Variants in ADAMTSL1 observed in about 807,000 individuals in gnomAD.
The protein encoded by ADAMTSL1 is ADAMTS-like protein 1.
ADAMTSL1 carries 126 observed loss-of-function variants against 201.8 expected under a neutral mutation model. That is an observed-to-expected ratio of 0.62 (90% CI 0.54 to 0.72). The LOEUF is 0.72. ADAMTSL1 is among the 30% of genes least tolerant of loss of function. The probability of loss-of-function intolerance (pLI) is 0.00; values close to 1 mark genes in which losing one functional copy is unlikely to be tolerated. For missense variants in ADAMTSL1, 2,679 were observed against 2,277.8 expected (o/e 1.18, Z -3.59); for synonymous variants, 1,121 against 903.4 (o/e 1.24, Z -4.32).
chr9:18,071,022 A>G (rs1822939760), intron 1 of ADAMTSL1, among the ~76,000 whole-genome samples: 3 of 152,222 alleles, frequency 2.0e-5, no homozygotes, highest in Admixed American at 1.3e-4. Flanking sequence ...AAGCAAAGCA[A>G]GAAAAAACAG....
At position 18,795,389 on chromosome 9, in the gene ADAMTSL1, C is replaced by T. The variant is rs143893032; in HGVS notation, c.3678-8C>T. 8.5e-3 allele frequency: 13,636 copies of T among 1,613,376 alleles called. 80 individuals are homozygous for T. Among genetic ancestry groups the T allele is most frequent in the Non-Finnish European group, 0.01 (12,334 of 1,179,650 alleles). On this transcript the variant is annotated splice_polypyrimidine_tract_variant and splice_region_variant and intron_variant, in intron 19 of 28. Coordinates refer to ENST00000380548, the MANE Select transcript of ADAMTSL1 (RefSeq NM_001040272.6). The stretch of plus-strand genomic sequence containing the variant: ...GACCAGGTCTATATTTCTTTTCTGT[C>T]GCTCCAGGATTCTTCTACAGCCAGA...
chr9:18,331,584 TC>T (rs1345736638), intron 2 of ADAMTSL1, among the ~76,000 whole-genome samples: 3 of 152,170 alleles, frequency 2.0e-5, no homozygotes, highest in African/African-American at 7.2e-5. Context: ...ATTATTGAAG[TC>T]CCTGTACTAA....
intron 1 of ADAMTSL1, among the ~76,000 whole-genome samples, chr9:18,140,637 A>C (rs1826359685): frequency 6.6e-6 from 1 of 152,200 alleles, no homozygotes; most frequent in African/African-American, 2.4e-5. Flanking sequence ...CATATAAATC[A>C]CATTGTTTGT....
chr9:18,530,018 T>C (rs1819339870), intron 2 of ADAMTSL1, among the ~76,000 whole-genome samples: 2 of 152,182 alleles, frequency 1.3e-5, no homozygotes, highest in South Asian at 4.1e-4. Context: ...GTAAAATTTG[T>C]GTAGGTATTT....
At chr9:18,743,778 T>C (rs1818978466) in intron 15 of ADAMTSL1, among the ~76,000 whole-genome samples, 1 of 152,264 alleles carries the variant, frequency 6.6e-6, no homozygotes, top group South Asian at 2.1e-4. Flanking sequence ...TTTTGCTCTT[T>C]AATGTCTAAT....
chr9:18,715,497 G>A (rs1221170509), intron 14 of ADAMTSL1, among the ~76,000 whole-genome samples: 2 of 152,110 alleles, frequency 1.3e-5, no homozygotes, highest in African/African-American at 2.4e-5. Context: ...TTGCTTCAAA[G>A]AGGATAAAAT....
At chr9:18,169,009 T>G (rs2132115458) in intron 2 of ADAMTSL1, among the ~76,000 whole-genome samples, 1 of 147,998 alleles carries the variant, frequency 6.8e-6, no homozygotes, top group East Asian at 2.0e-4. Flanking sequence ...GAGTTCATTG[T>G]AGATTCTGGA....
At chr9:18,126,996 A>G (rs1825758438) in intron 1 of ADAMTSL1, among the ~76,000 whole-genome samples, 1 of 152,194 alleles carries the variant, frequency 6.6e-6, no homozygotes, top group East Asian at 1.9e-4. Flanking sequence ...GTGATGAGGC[A>G]GATCTTCCAA....
chr9:18,495,219 G>A (rs1029137710), intron 1 of ADAMTSL1, among the ~76,000 whole-genome samples: 6 of 152,100 alleles, frequency 3.9e-5, no homozygotes, highest in Non-Finnish European at 2.9e-5. Context: ...GCTGACTCAC[G>A]CAGGACTCAG....
intron 1 of ADAMTSL1, among the ~76,000 whole-genome samples, chr9:17,957,462 A>G (rs144736501): frequency 3.3e-5 from 5 of 152,122 alleles, no homozygotes; most frequent in African/African-American, 1.2e-4. Flanking sequence ...TGGGCTTCTG[A>G]TACCTCCACC....
chr9:18,889,849 A>T, intron 25 of ADAMTSL1, 101 bp downstream of exon 25: 3 of 1,189,946 alleles, frequency 2.5e-6, no homozygotes, highest in Non-Finnish European at 1.1e-6. Flanking sequence ...GTGCAGGGAG[A>T]GATGCCAGCC....
intron 2 of ADAMTSL1, among the ~76,000 whole-genome samples, chr9:18,528,721 T>C (rs1446255489): frequency 6.6e-6 from 1 of 152,204 alleles, no homozygotes; most frequent in Non-Finnish European, 1.5e-5. Context: ...TTATATTTTG[T>C]TCTTTCATAC....
chr9:18,604,455 A>G (rs1048392674), intron 4 of ADAMTSL1, among the ~76,000 whole-genome samples: 13 of 151,898 alleles, frequency 8.6e-5, no homozygotes, highest in African/African-American at 3.1e-4. Flanking sequence ...ATCACCATCT[A>G]TTTTCTTTCT....
intron 1 of ADAMTSL1, among the ~76,000 whole-genome samples, chr9:17,991,851 C>T (rs1819164781): frequency 6.6e-6 from 1 of 152,140 alleles, no homozygotes. Flanking sequence ...GAGGATTTCT[C>T]ATTTTCCCTC....
chr9:17,977,931 T>A (rs973039537), intron 1 of ADAMTSL1, among the ~76,000 whole-genome samples: 1 of 152,072 alleles, frequency 6.6e-6, no homozygotes, highest in Non-Finnish European at 1.5e-5. Flanking sequence ...ACCATTATTG[T>A]ATTGCTATTT....
intron 2 of ADAMTSL1, among the ~76,000 whole-genome samples, chr9:18,246,402 T>A (rs1025092155): frequency 4.6e-5 from 7 of 152,148 alleles, no homozygotes; most frequent in Non-Finnish European, 8.8e-5. Context: ...AGATGATTTT[T>A]AAAATATGTT....
At chr9:18,618,192 A>T (rs552880373) in intron 4 of ADAMTSL1, among the ~76,000 whole-genome samples, 295 of 152,320 alleles carry the variant, frequency 1.9e-3, no homozygotes, top group Non-Finnish European at 3.5e-3. Flanking sequence ...GCTGTCATTT[A>T]TGGTATGTCT....
intron 1 of ADAMTSL1, among the ~76,000 whole-genome samples, chr9:18,133,231 C>G (rs1046727143): frequency 3.9e-5 from 6 of 152,104 alleles, no homozygotes; most frequent in Non-Finnish European, 7.4e-5. Flanking sequence ...GGATCAGACT[C>G]TCCTGAGGGC....
chr9:18,580,534 G>A (rs977780101), intron 4 of ADAMTSL1, among the ~76,000 whole-genome samples: 6 of 152,002 alleles, frequency 3.9e-5, no homozygotes, highest in African/African-American at 1.4e-4. Flanking sequence ...TTCTTATTCT[G>A]CTCTTTTCAT....
Sources: allele counts gnomAD v4.1 joint callset (sites outside exome capture counted in the v4.1 genomes callset), GRCh38; gene constraint gnomAD v4.1.1; transcripts MANE v1.5; gene names NCBI Gene and HGNC (gene_info 2026-07-23, HGNC 2026-07-21).